Variants in TMEM50A observed in about 807,000 individuals in gnomAD.
The protein encoded by TMEM50A is transmembrane protein 50A, also known as cervical cancer oncogene 9.
TMEM50A carries 8 observed loss-of-function variants against 23.9 expected under a neutral mutation model. That is an observed-to-expected ratio of 0.33 (90% CI 0.20 to 0.60). The LOEUF (loss-of-function observed/expected upper bound fraction) is 0.60. Among genes scored for constraint, TMEM50A ranks in the 20% least tolerant of loss-of-function variants. The pLI is 0.81. For synonymous variants in TMEM50A, 55 were observed against 60.4 expected (o/e 0.91, Z 0.41); for missense variants, 178 against 192.7 (o/e 0.92, Z 0.45).
At chr1:25,359,109 C>A (rs915046245) in intron 6 of TMEM50A, among the ~76,000 whole-genome samples, 1 of 152,084 alleles carries the variant, frequency 6.6e-6, no homozygotes, top group Non-Finnish European at 1.5e-5. Flanking sequence ...CCCCATAGAG[C>A]ATGCAGGCAG....
At chr1:25,344,271 G>A (rs370315708) in intron 3 of TMEM50A, among the ~76,000 whole-genome samples, 37 of 152,286 alleles carry the variant, frequency 2.4e-4, no homozygotes, top group African/African-American at 8.9e-4. Flanking sequence ...CATTGTAAGT[G>A]TAATGGAAGC....
intron 5 of TMEM50A, among the ~76,000 whole-genome samples, chr1:25,355,662 T>TA (rs1414906393): frequency 5.9e-5 from 9 of 152,250 alleles, no homozygotes; most frequent in African/African-American, 2.2e-4. Context: ...AACCATCTGT[T>TA]ATGTTAATCA....
chr1:25,350,986 C>T (rs1645269711), intron 3 of TMEM50A, among the ~76,000 whole-genome samples: 1 of 151,254 alleles, frequency 6.6e-6, no homozygotes, highest in Non-Finnish European at 1.5e-5. Flanking sequence ...ACGGTGAAAC[C>T]CCATCTCTAC....
At chr1:25,352,748 C>T in intron 4 of TMEM50A, 134 bp from the exon 5 acceptor site, 1 of 707,292 alleles carries the variant, frequency 1.4e-6, no homozygotes, top group Non-Finnish European at 2.3e-6. Flanking sequence ...TTTAACACAT[C>T]CTTTACTGTT....
intron 5 of TMEM50A, 23 bp from the exon 6 acceptor site, chr1:25,356,770 A>G (rs764900840): frequency 6.4e-7 from 1 of 1,552,372 alleles, no homozygotes; most frequent in Admixed American, 2.1e-5. Context: ...ATAACCCTCT[A>G]AACACTGCAA....
chr1:25,361,976 C>T lies in TMEM50A; in HGVS notation c.*1271C>T, dbSNP rs942751288. On this transcript the variant is annotated 3_prime_UTR_variant, in exon 7 of 7. Coordinates refer to ENST00000374358, the MANE Select transcript of TMEM50A (RefSeq NM_014313.4). ...CATGGAAATTTAAACGACTTCCTCA[C>T]GGTCACAGAACTAGTTTTTTAATCC... is the stretch of plus-strand genomic sequence containing the variant. 1 of 176,776 alleles carries T rather than the reference C, an allele frequency of 5.7e-6. No homozygotes were observed. Among genetic ancestry groups the T allele is most frequent in the South Asian group, 1.2e-4 (1 of 8,214 alleles). The allele number at this position is 176,776 out of a possible 1,614,324, so 11.0% of individuals were successfully genotyped here.
At chr1:25,352,761 C>T in intron 4 of TMEM50A, 121 bp from the exon 5 acceptor site, 2 of 780,268 alleles carry the variant, frequency 2.6e-6, no homozygotes, top group Non-Finnish European at 4.1e-6. Flanking sequence ...TTACTGTTCT[C>T]ACGTTAGACT....
chr1:25,357,385 G>A (rs1312555497), intron 6 of TMEM50A, among the ~76,000 whole-genome samples: 3 of 152,094 alleles, frequency 2.0e-5, no homozygotes, highest in South Asian at 2.1e-4. Flanking sequence ...CTTCTCTGAT[G>A]TTCATCTTTC....
intron 5 of TMEM50A, among the ~76,000 whole-genome samples, 158 bp downstream of exon 5, chr1:25,353,132 T>G (rs961423332): frequency 6.6e-6 from 1 of 152,132 alleles, no homozygotes; most frequent in African/African-American, 2.4e-5. Flanking sequence ...CAGTGTTTGG[T>G]TTTCTTTGTC....
chr1:25,344,315 C>A (rs1245686539), intron 3 of TMEM50A, among the ~76,000 whole-genome samples: 1 of 152,102 alleles, frequency 6.6e-6, no homozygotes, highest in African/African-American at 2.4e-5. Context: ...AATGAAATGA[C>A]CTTATATTTT....
intron 4 of TMEM50A, among the ~76,000 whole-genome samples, 157 bp from the exon 5 acceptor site, chr1:25,352,725 A>G (rs1297867498): frequency 1.3e-5 from 2 of 152,106 alleles, no homozygotes; most frequent in African/African-American, 4.8e-5. Flanking sequence ...CAACAGGTAC[A>G]CTGATGAAGA....
Position 25,360,780 on chromosome 1 carries a change from T to C in TMEM50A, c.*75T>C. 9 of 1,477,004 alleles carry C rather than the reference T, an allele frequency of 6.1e-6. No individual in the cohort carries two copies. Among genetic ancestry groups the C allele is most frequent in the Admixed American group, 1.8e-5 (1 of 55,540 alleles). The allele number at this position is 1,477,004 out of a possible 1,614,324, so 91.5% of individuals were successfully genotyped here. A position where few individuals can be genotyped will look rare whatever the true frequency, so the allele number is the denominator to read the frequency against. The stretch of plus-strand genomic sequence containing the variant: ...TTTTTACTGCTCACTCCCAACCTTT[T>C]GTAATGCCATTTTCTAAACTTATTT... On this transcript the variant is annotated 3_prime_UTR_variant, in exon 7 of 7. Coordinates refer to ENST00000374358, the MANE Select transcript of TMEM50A (RefSeq NM_014313.4).
chr1:25,357,526 G>GGT (rs1382745528), intron 6 of TMEM50A, among the ~76,000 whole-genome samples: 3 of 121,514 alleles, frequency 2.5e-5, no homozygotes, highest in East Asian at 2.6e-4. Context: ...CTCTGCATCA[G>GGT]GAGTGTGTGT....
intron 3 of TMEM50A, among the ~76,000 whole-genome samples, chr1:25,350,522 A>G (rs3093610): frequency 0.99 from 151,289 of 152,168 alleles, 75,213 homozygotes; most frequent in Middle Eastern, 1. Flanking sequence ...CCAAGTAGCT[A>G]GGATTACAGG....
At chr1:25,341,500 C>G (rs1227647842) in intron 2 of TMEM50A, among the ~76,000 whole-genome samples, 3 of 152,104 alleles carry the variant, frequency 2.0e-5, no homozygotes, top group Non-Finnish European at 4.4e-5. Context: ...CCTGCCTCGG[C>G]CTTGCAAAGT....
intron 6 of TMEM50A, among the ~76,000 whole-genome samples, chr1:25,360,135 G>A (rs1645382198): frequency 6.6e-6 from 1 of 152,130 alleles, no homozygotes. Flanking sequence ...GGATCACGAG[G>A]TCAGGAGATC....
intron 2 of TMEM50A, among the ~76,000 whole-genome samples, chr1:25,341,482 G>A (rs1038903104): frequency 6.6e-6 from 1 of 152,022 alleles, no homozygotes; most frequent in Non-Finnish European, 1.5e-5. Context: ...TCCTGACCTC[G>A]TGATCCGCCT....
intron 2 of TMEM50A, chr1:25,342,590 A>G (rs988082272): frequency 6.5e-6 from 1 of 154,292 alleles, no homozygotes; most frequent in African/African-American, 2.4e-5. Flanking sequence ...ATTTTGGGGA[A>G]TATTTCTCTG....
At position 25,342,710 on chromosome 1, in the gene TMEM50A, A is replaced by G. The variant is rs555849398; in HGVS notation, c.94-251A>G. The G allele has an allele frequency of 3.9e-5, 9 of 233,018 alleles. No individual in the cohort carries two copies. The South Asian group carries it at 9.4e-4, about 24-fold the overall frequency. 14.4% of individuals were successfully genotyped at this position (233,018 alleles called of 1,614,324 possible). Reference sequence around the variant, plus strand: ...TTTCTAGTTCACCAAATTAGATTACAAGGCTTTATTATGATAAAAATTAAA... The same window carrying G: ...TTTCTAGTTCACCAAATTAGATTACGAGGCTTTATTATGATAAAAATTAAA... On this transcript the variant is annotated intron_variant, in intron 2 of 6. Coordinates refer to ENST00000374358, the MANE Select transcript of TMEM50A (RefSeq NM_014313.4).
Sources: allele counts gnomAD v4.1 joint callset (sites outside exome capture counted in the v4.1 genomes callset), GRCh38; gene constraint gnomAD v4.1.1; transcripts MANE v1.5; gene names NCBI Gene and HGNC (gene_info 2026-07-23, HGNC 2026-07-21).